The following ZCCHC7 variants were observed in gnomAD, a reference collection of about 807,000 sequenced individuals.
The protein encoded by ZCCHC7 is zinc finger CCHC-type containing 7, also known as zinc finger CCHC domain-containing protein 7.
In ZCCHC7, 35 loss-of-function variants were observed where a neutral mutation model predicts 52.0. The observed-to-expected ratio is 0.67, with a 90% CI of 0.51 to 0.89. The LOEUF is 0.89. Among genes scored for constraint, ZCCHC7 ranks in the 40% least tolerant of loss-of-function variants. The pLI is 0.00. For missense variants in ZCCHC7, 574 were observed against 649.1 expected (o/e 0.88, Z 1.26); for synonymous variants, 217 against 221.5 (o/e 0.98, Z 0.18).
chr9:37,134,840 C>G (rs1242035339), intron 2 of ZCCHC7, among the ~76,000 whole-genome samples: 2 of 152,204 alleles, frequency 1.3e-5, no homozygotes, highest in Non-Finnish European at 2.9e-5. Flanking sequence ...ATTCTTCTGC[C>G]TCAGCCTCCC....
intron 2 of ZCCHC7, among the ~76,000 whole-genome samples, chr9:37,178,934 G>T (rs1822202599): frequency 6.6e-6 from 1 of 152,122 alleles, no homozygotes; most frequent in African/African-American, 2.4e-5. Context: ...TTGCAAATCA[G>T]CATAATGTTT....
At chr9:37,225,708 T>G (rs1012003950) in intron 2 of ZCCHC7, among the ~76,000 whole-genome samples, 4 of 152,186 alleles carry the variant, frequency 2.6e-5, no homozygotes, top group Non-Finnish European at 5.9e-5. Flanking sequence ...TAGATGCAGA[T>G]AAAGCATTTT....
intron 2 of ZCCHC7, among the ~76,000 whole-genome samples, chr9:37,232,378 C>G (rs911459440): frequency 3.3e-5 from 5 of 152,198 alleles, no homozygotes; most frequent in African/African-American, 1.2e-4. Context: ...TTATTGTACT[C>G]CCCCTCACCC....
At chr9:37,266,859 G>A (rs1008003158) in intron 2 of ZCCHC7, among the ~76,000 whole-genome samples, 1 of 152,168 alleles carries the variant, frequency 6.6e-6, no homozygotes, top group African/African-American at 2.4e-5. Context: ...GGGCAATGGA[G>A]CAAGACTCTG....
At chr9:37,252,533 A>G in intron 2 of ZCCHC7, among the ~76,000 whole-genome samples, 1 of 152,196 alleles carries the variant, frequency 6.6e-6, no homozygotes, top group Non-Finnish European at 1.5e-5. Context: ...ACTTATAGTC[A>G]CATACAAAAT....
chr9:37,126,912 C>T lies in ZCCHC7; in HGVS notation c.580C>T (p.Leu194Phe). 6.2e-7 allele frequency: 1 copy of T among 1,613,892 alleles called. No homozygotes were observed. The highest frequency in any genetic ancestry group is 8.5e-7 in the Non-Finnish European group (1 of 1,179,960). Reference protein sequence around the residue: ...DDKDDDILLNLVGCENSVTEG... With the variant: ...DDKDDDILLNFVGCENSVTEG... ...TAAAGATGATGATATCCTTCTCAAC[C>T]TTGTGGGATGTGAAAACTCTGTTAC... The change falls in exon 2 of 9, where the codon CTT becomes TTT. Residue 194 changes from leucine to phenylalanine, a missense_variant. This residue lies in a region of ZCCHC7 where 403 missense variants were observed against 461.2 expected (regional missense o/e 0.87). Transcript: ENST00000336755.
chr9:37,336,999 A>T (rs570258435), intron 6 of ZCCHC7, among the ~76,000 whole-genome samples: 1 of 152,270 alleles, frequency 6.6e-6, no homozygotes, highest in East Asian at 1.9e-4. Flanking sequence ...TCTCCGGACA[A>T]TTGGCGGAGG....
chr9:37,220,374 C>G (rs1030099920), intron 2 of ZCCHC7, among the ~76,000 whole-genome samples: 10 of 152,096 alleles, frequency 6.6e-5, no homozygotes, highest in African/African-American at 2.2e-4. Context: ...AACCCCATCT[C>G]TACCAAAAAT....
At chr9:37,154,736 C>G (rs1444963578) in intron 2 of ZCCHC7, among the ~76,000 whole-genome samples, 1 of 152,082 alleles carries the variant, frequency 6.6e-6, no homozygotes, top group African/African-American at 2.4e-5. Flanking sequence ...CTCAAGCCAT[C>G]TATCTGCCTC....
In ZCCHC7 at chr9:37,233,957, G is replaced by A. The variant is rs182921671; in HGVS notation, c.611-68231G>A. On this transcript the variant is annotated intron_variant, in intron 2 of 8. Coordinates refer to ENST00000336755, the MANE Select transcript of ZCCHC7 (RefSeq NM_032226.3). ...CAACTTACACCTCATGGGATCAAGC[G>A]ATTCTCCTGCCGCAGCCTCCTGAGT... 2.2e-4 allele frequency among the ~76,000 whole-genome samples: 33 copies of A among 152,212 alleles called. No homozygotes were observed. The South Asian group carries it at 3.5e-3, about 16-fold the overall frequency.
intron 2 of ZCCHC7, 40 bp from the exon 3 acceptor site, chr9:37,302,148 A>G (rs745599521): frequency 2.6e-6 from 4 of 1,549,496 alleles, no homozygotes; most frequent in Non-Finnish European, 3.6e-6. Context: ...TAAGTCCTTT[A>G]AAAGTGCCAC....
rs1170652533 is a variant in ZCCHC7, at chr9:37,185,830, A to G, written c.610+58888A>G. Among the ~76,000 whole-genome samples the G allele has an allele frequency of 2.6e-5, 4 of 152,208 alleles. No homozygotes were observed. In the East Asian group the frequency reaches 7.7e-4, roughly 29 times the overall value. On this transcript the variant is annotated intron_variant, in intron 2 of 8. Coordinates refer to ENST00000336755, the MANE Select transcript of ZCCHC7 (RefSeq NM_032226.3). ...GGACCCTGTTTCCAAATAAGGTCACATTCAGAAGTTCTTGGGGTTAGAATT... is the reference window on the plus strand; with the variant it reads ...GGACCCTGTTTCCAAATAAGGTCACGTTCAGAAGTTCTTGGGGTTAGAATT...
intron 2 of ZCCHC7, among the ~76,000 whole-genome samples, chr9:37,285,380 A>G (rs951869220): frequency 6.6e-6 from 1 of 151,982 alleles, no homozygotes; most frequent in African/African-American, 2.4e-5. Flanking sequence ...TTGAGATGGT[A>G]TTTTCGAAAT....
chr9:37,184,506 C>A (rs896334208), intron 2 of ZCCHC7, among the ~76,000 whole-genome samples: 1 of 151,910 alleles, frequency 6.6e-6, no homozygotes, highest in Non-Finnish European at 1.5e-5. Flanking sequence ...CTCCTGATCT[C>A]TTATCCTGAA....
chr9:37,133,620 G>A (rs750811248), intron 2 of ZCCHC7, among the ~76,000 whole-genome samples: 2 of 151,566 alleles, frequency 1.3e-5, no homozygotes, highest in African/African-American at 4.9e-5. Flanking sequence ...ACGGAGTCTC[G>A]CTGTGTCACC....
At chr9:37,336,183 A>G (rs555418255) in intron 6 of ZCCHC7, among the ~76,000 whole-genome samples, 17 of 152,288 alleles carry the variant, frequency 1.1e-4, no homozygotes, top group African/African-American at 3.4e-4. Flanking sequence ...GCCTGATTTC[A>G]TAGCAAAATG....
At chr9:37,239,755 T>C (rs1231982305) in intron 2 of ZCCHC7, among the ~76,000 whole-genome samples, 3 of 152,116 alleles carry the variant, frequency 2.0e-5, no homozygotes, top group African/African-American at 7.2e-5. Flanking sequence ...TTCTACATCA[T>C]ATAAACCTGA....
intron 2 of ZCCHC7, among the ~76,000 whole-genome samples, chr9:37,138,093 AAC>A (rs1187352514): frequency 6.6e-6 from 1 of 152,132 alleles, no homozygotes; most frequent in East Asian, 1.9e-4. Context: ...GCTGCTTTTG[AAC>A]TGTGTCTTTA....
intron 2 of ZCCHC7, among the ~76,000 whole-genome samples, chr9:37,165,724 TCACATAAA>T (rs1021512397): frequency 2.0e-5 from 3 of 152,232 alleles, no homozygotes; most frequent in Non-Finnish European, 4.4e-5. Flanking sequence ...TCATGTAATT[TCACATAAA>T]CACACTCTTT....
Sources: allele counts gnomAD v4.1 joint callset (sites outside exome capture counted in the v4.1 genomes callset), GRCh38; gene constraint gnomAD v4.1.1; regional missense constraint gnomAD v4.1.1; transcripts MANE v1.5; gene names NCBI Gene and HGNC (gene_info 2026-07-23, HGNC 2026-07-21).